The following GALNT17 variants were observed in gnomAD, a reference collection of about 807,000 sequenced individuals.
GALNT17 encodes the protein UDP-GalNAc:polypeptide N-acetylgalactosaminyltransferase-like 3.
GALNT17 carries 29 observed loss-of-function variants against 63.7 expected under a neutral mutation model. The observed-to-expected ratio is 0.46, with a 90% CI of 0.34 to 0.62. The LOEUF (loss-of-function observed/expected upper bound fraction) is 0.62. Ranked by LOEUF, GALNT17 falls within the 20% of genes least tolerant of loss-of-function variation. The pLI is 0.01. For missense variants in GALNT17, 603 were observed against 799.6 expected, an observed-to-expected ratio of 0.75 and a Z score of 2.97; for synonymous variants, 305 against 318.3, an observed-to-expected ratio of 0.96 and a Z score of 0.45.
intron 9 of GALNT17, among the ~76,000 whole-genome samples, chr7:71,689,547 G>T (rs2117091493): frequency 6.6e-6 from 1 of 152,340 alleles, no homozygotes; most frequent in African/African-American, 2.4e-5. Flanking sequence ...TGAAAGAAGT[G>T]AGGAAGCTAC....
intron 5 of GALNT17, among the ~76,000 whole-genome samples, chr7:71,492,259 C>T (rs1483494823): frequency 1.3e-5 from 2 of 152,096 alleles, no homozygotes; most frequent in Admixed American, 6.6e-5. Context: ...AGCCTGGAGA[C>T]AGAGCAAGAC....
intron 5 of GALNT17, among the ~76,000 whole-genome samples, chr7:71,441,296 T>TG (rs1393893708): frequency 6.6e-6 from 1 of 152,082 alleles, no homozygotes; most frequent in Non-Finnish European, 1.5e-5. Flanking sequence ...AAATTTTATT[T>TG]GAGATTGGGA....
intron 1 of GALNT17, among the ~76,000 whole-genome samples, chr7:71,240,182 G>T (rs1040399651): frequency 4.6e-5 from 7 of 152,200 alleles, no homozygotes; most frequent in Non-Finnish European, 8.8e-5. Flanking sequence ...AGTAGACAGA[G>T]ATGCATGCCT....
intron 2 of GALNT17, among the ~76,000 whole-genome samples, chr7:71,387,778 C>T (rs563015051): frequency 5.3e-5 from 8 of 152,112 alleles, no homozygotes; most frequent in Admixed American, 1.3e-4. Context: ...CAGGTAGATG[C>T]GGGTAGATGG....
chr7:71,250,002 T>C (rs1323301132), intron 1 of GALNT17, among the ~76,000 whole-genome samples: 1 of 152,226 alleles, frequency 6.6e-6, no homozygotes, highest in Non-Finnish European at 1.5e-5. Flanking sequence ...AGAAAATCTG[T>C]TTCCAAGTTT....
chr7:71,216,796 A>G (rs1183416912), intron 1 of GALNT17, among the ~76,000 whole-genome samples: 1 of 151,700 alleles, frequency 6.6e-6, no homozygotes, highest in Non-Finnish European at 1.5e-5. Flanking sequence ...ACATACACAT[A>G]TATGCACACA....
At chr7:71,248,402 A>T (rs1583796765) in intron 1 of GALNT17, among the ~76,000 whole-genome samples, 1 of 152,192 alleles carries the variant, frequency 6.6e-6, no homozygotes, top group Non-Finnish European at 1.5e-5. Flanking sequence ...GGGGTGGTCA[A>T]GGCAGAAGAA....
intron 1 of GALNT17, among the ~76,000 whole-genome samples, chr7:71,166,836 G>T (rs1788449710): frequency 6.6e-6 from 1 of 151,608 alleles, no homozygotes; most frequent in African/African-American, 2.4e-5. Context: ...TTTCCCCTAG[G>T]TAAACACCTA....
intron 5 of GALNT17, among the ~76,000 whole-genome samples, chr7:71,570,868 CT>C (rs1427499072): frequency 6.6e-6 from 1 of 152,132 alleles, no homozygotes; most frequent in East Asian, 1.9e-4. Flanking sequence ...ATCCCAGCTA[CT>C]CAGGGGGTTG....
intron 5 of GALNT17, among the ~76,000 whole-genome samples, chr7:71,429,577 C>G (rs1786822020): frequency 1.3e-5 from 2 of 152,236 alleles, no homozygotes. Flanking sequence ...AGATCTCACT[C>G]TGTTGCCCAG....
chr7:71,336,385 A>G (rs1278142662), intron 2 of GALNT17, among the ~76,000 whole-genome samples: 8 of 152,104 alleles, frequency 5.3e-5, no homozygotes, highest in Non-Finnish European at 1.2e-4. Context: ...TCAGGGGAAC[A>G]TGTGTAGGTT....
chr7:71,320,955 G>A (rs1022595926), intron 1 of GALNT17, among the ~76,000 whole-genome samples: 1 of 152,192 alleles, frequency 6.6e-6, no homozygotes, highest in African/African-American at 2.4e-5. Context: ...GAAGGTTCGT[G>A]TCCCACTCTG....
At chr7:71,158,417 T>C (rs1788276913) in intron 1 of GALNT17, among the ~76,000 whole-genome samples, 1 of 151,392 alleles carries the variant, frequency 6.6e-6, no homozygotes, top group African/African-American at 2.4e-5. Context: ...TTTTTTGAGA[T>C]AGTGTCTCAA....
chr7:71,400,501 C>T (rs1793221017), intron 3 of GALNT17, among the ~76,000 whole-genome samples: 1 of 152,002 alleles, frequency 6.6e-6, no homozygotes, highest in Non-Finnish European at 1.5e-5. Context: ...TAGTCAAATC[C>T]ATCAGTCTTT....
chr7:71,406,510 A>T (rs1057444126), intron 3 of GALNT17, among the ~76,000 whole-genome samples: 7 of 152,156 alleles, frequency 4.6e-5, no homozygotes, highest in African/African-American at 1.7e-4. Flanking sequence ...TGCTATCTCC[A>T]TTGGACAGAT....
chr7:71,329,851 A>G (rs1348754868), intron 1 of GALNT17, among the ~76,000 whole-genome samples: 1 of 151,936 alleles, frequency 6.6e-6, no homozygotes, highest in East Asian at 1.9e-4. Context: ...AAGCCATATC[A>G]ATGGCCATAT....
intron 1 of GALNT17, among the ~76,000 whole-genome samples, chr7:71,263,548 G>A (rs1290537677): frequency 6.6e-6 from 1 of 152,172 alleles, no homozygotes. Flanking sequence ...TACCTTTAGA[G>A]CCTCCTTGGG....
intron 6 of GALNT17, among the ~76,000 whole-genome samples, chr7:71,646,243 T>A (rs1033309632): frequency 6.6e-6 from 1 of 152,210 alleles, no homozygotes; most frequent in African/African-American, 2.4e-5. Context: ...CCCACACTTT[T>A]AAAAATTTAA....
At chr7:71,638,544 A>G (rs1305362946) in intron 6 of GALNT17, among the ~76,000 whole-genome samples, 2 of 152,122 alleles carry the variant, frequency 1.3e-5, no homozygotes, top group Non-Finnish European at 2.9e-5. Context: ...AGAGGGTGGG[A>G]TGTGGACGAA....
Sources: allele counts gnomAD v4.1 joint callset (sites outside exome capture counted in the v4.1 genomes callset), GRCh38; gene constraint gnomAD v4.1.1; transcripts MANE v1.5; gene names NCBI Gene and HGNC (gene_info 2026-07-23, HGNC 2026-07-21).